Variants in SHISAL2A observed in about 807,000 individuals in gnomAD.
The protein encoded by SHISAL2A is protein shisa-like-2A.
Under a neutral mutation model 11.5 loss-of-function variants are expected in SHISAL2A, and 18 were observed. That is an observed-to-expected ratio of 1.57 (90% CI 1.08 to 2.33). SHISAL2A has a LOEUF of 2.33. Among genes scored for constraint, SHISAL2A ranks in the 30% most tolerant of loss-of-function variants. The pLI, the probability that SHISAL2A is intolerant of heterozygous loss-of-function variation, is 0.00. For synonymous variants in SHISAL2A, 94 were observed against 99.6 expected (o/e 0.94, Z 0.34); for missense variants, 261 against 250.9 (o/e 1.04, Z -0.27).
intron 2 of SHISAL2A, among the ~76,000 whole-genome samples, chr1:52,651,401 T>C (rs1691643391): frequency 6.6e-6 from 1 of 151,868 alleles, no homozygotes; most frequent in African/African-American, 2.4e-5. Flanking sequence ...CACGCCTGGC[T>C]AATATTTGTA....
In SHISAL2A at chr1:52,664,501, G is replaced by A. The variant is rs1297249068; in HGVS notation, n.696-2898G>A. Among the ~76,000 whole-genome samples, 5 of 151,956 alleles carry A rather than the reference G, an allele frequency of 3.3e-5. No individual in the cohort carries two copies. In the South Asian group the frequency reaches 6.2e-4, roughly 19 times the overall value. On this transcript the variant is annotated intron_variant and non_coding_transcript_variant, in intron 4 of 5. Transcript: ENST00000401050. ...CTCCCGAGTAGCTGAGATTACAGGC[G>A]TGTGCCACCATGCCCGGCTAATTTT...
At chr1:52,651,233 G>C (rs1312425712) in intron 2 of SHISAL2A, among the ~76,000 whole-genome samples, 1 of 151,142 alleles carries the variant, frequency 6.6e-6, no homozygotes, top group African/African-American at 2.4e-5. Context: ...TATTGCAAAG[G>C]TTTTTTGTTT....
At chr1:52,634,972 G>A (rs1003983520) in intron 1 of SHISAL2A, among the ~76,000 whole-genome samples, 6 of 152,108 alleles carry the variant, frequency 3.9e-5, no homozygotes, top group Admixed American at 1.3e-4. Context: ...TAGGTGACTC[G>A]ATCCACAATT....
chr1:52,664,648 C>T (rs1227114948), intron 4 of SHISAL2A, among the ~76,000 whole-genome samples: 5 of 152,068 alleles, frequency 3.3e-5, no homozygotes, highest in Admixed American at 6.6e-5. Flanking sequence ...CGTGAGCCAC[C>T]GCGCTCGGCC....
chr1:52,654,285 G>A (rs1478038750), intron 2 of SHISAL2A, among the ~76,000 whole-genome samples: 1 of 137,374 alleles, frequency 7.3e-6, no homozygotes, highest in Non-Finnish European at 1.5e-5. Context: ...AGATAGATAA[G>A]CTAATTCTCA....
At chr1:52,659,965 C>T (rs1558094475), downstream of SHISAL2A, among the ~76,000 whole-genome samples, 1 of 152,186 alleles carries the variant, frequency 6.6e-6, no homozygotes, top group Non-Finnish European at 1.5e-5. Flanking sequence ...CAGTGGTTCT[C>T]AAACTCGAGG....
intron 1 of SHISAL2A, among the ~76,000 whole-genome samples, chr1:52,641,669 G>A (rs1295781565): frequency 6.6e-6 from 1 of 152,126 alleles, no homozygotes; most frequent in Non-Finnish European, 1.5e-5. Context: ...GCCTGGGCAC[G>A]GTTGGCTCAT....
At chr1:52,657,403 G>C (rs1412649135), downstream of SHISAL2A, among the ~76,000 whole-genome samples, 2 of 152,168 alleles carry the variant, frequency 1.3e-5, no homozygotes, top group Non-Finnish European at 2.9e-5. Context: ...CTCAGAGGGG[G>C]ATGATCTCTG....
intron 2 of SHISAL2A, among the ~76,000 whole-genome samples, chr1:52,646,492 T>TACACACAC (rs35929137): frequency 0.034 from 4,882 of 145,312 alleles, 87 homozygotes; most frequent in Non-Finnish European, 0.045. Context: ...TAAATATCTA[T>TACACACAC]ACACACACAC....
intron 1 of SHISAL2A, among the ~76,000 whole-genome samples, chr1:52,638,038 G>A (rs140438976): frequency 1.3e-4 from 20 of 152,212 alleles, no homozygotes; most frequent in African/African-American, 4.3e-4. Flanking sequence ...GGAACAACTC[G>A]GATCATTTGA....
At chr1:52,663,120 G>C (rs1235849292) in intron 4 of SHISAL2A, among the ~76,000 whole-genome samples, 1 of 152,046 alleles carries the variant, frequency 6.6e-6, no homozygotes, top group African/African-American at 2.4e-5. Context: ...AGCTCCCTGC[G>C]GTTCCACACC....
At chr1:52,657,165 T>G, downstream of SHISAL2A, 2 of 1,303,842 alleles carry the variant, frequency 1.5e-6, no homozygotes, top group Admixed American at 2.3e-5. Context: ...TACCCAGCCC[T>G]GCTGTGGACC....
chr1:52,653,320 G>T (rs1207375283), intron 2 of SHISAL2A, among the ~76,000 whole-genome samples: 1 of 143,526 alleles, frequency 7.0e-6, no homozygotes, highest in East Asian at 2.0e-4. Flanking sequence ...AAAAAGCAGG[G>T]TATGGTGGCA....
At chr1:52,661,727 G>T (rs1017868261), downstream of SHISAL2A, among the ~76,000 whole-genome samples, 4 of 152,124 alleles carry the variant, frequency 2.6e-5, no homozygotes, top group African/African-American at 9.7e-5. Context: ...CCACCACTGT[G>T]ACAAGCCCTT....
At chr1:52,645,422 G>GTTTTGTTTTGTTTTT (rs200396955) in intron 2 of SHISAL2A, among the ~76,000 whole-genome samples, 1 of 152,100 alleles carries the variant, frequency 6.6e-6, no homozygotes. Flanking sequence ...GTTTTGTTTT[G>GTTTTGTTTTGTTTTT]TTTGAGACAA....
In SHISAL2A at chr1:52,666,583, C is replaced by CGTGT. The variant is rs3082869; in HGVS notation, n.696-801_696-798dup. Among the ~76,000 whole-genome samples, 7 of 150,474 alleles carry CGTGT rather than the reference C, an allele frequency of 4.7e-5. No individual in the cohort carries two copies. The South Asian group carries it at 6.3e-4, about 14-fold the overall frequency. ...GAACTTTTGTTTCTGTGCACACGCG[C>CGTGT]GTGTGTGTGTGTGTGTGTCTATAGT... On this transcript the variant is annotated intron_variant and non_coding_transcript_variant, in intron 4 of 5. Transcript: ENST00000401050.
At chr1:52,648,460 C>T (rs1285688302) in intron 2 of SHISAL2A, among the ~76,000 whole-genome samples, 1 of 152,136 alleles carries the variant, frequency 6.6e-6, no homozygotes, top group East Asian at 1.9e-4. Context: ...GATGAGGAAA[C>T]TGAGACCCAA....
At chr1:52,668,600 A>G (rs1692054470) in exon 6 of SHISAL2A, 1 of 152,266 alleles carries the variant, frequency 6.6e-6, no homozygotes, top group South Asian at 2.1e-4. Flanking sequence ...AGGAGGCCTC[A>G]GCAAGTGTCA....
intron 4 of SHISAL2A, among the ~76,000 whole-genome samples, chr1:52,666,277 C>T (rs1439163633): frequency 6.6e-6 from 1 of 152,058 alleles, no homozygotes; most frequent in African/African-American, 2.4e-5. Flanking sequence ...CATGATGAAA[C>T]CGTGCCTCTA....
Sources: allele counts gnomAD v4.1 joint callset (sites outside exome capture counted in the v4.1 genomes callset), GRCh38; gene constraint gnomAD v4.1.1; transcripts MANE v1.5; gene names NCBI Gene and HGNC (gene_info 2026-07-23, HGNC 2026-07-21).